The following ACSM5 variants were observed in gnomAD, a reference collection of about 807,000 sequenced individuals.
ACSM5 encodes the protein acyl-CoA synthetase medium chain family member 5.
In ACSM5, 56 loss-of-function variants were observed where a neutral mutation model predicts 71.6. The observed-to-expected ratio is 0.78, with a 90% CI of 0.63 to 0.98. ACSM5 has a LOEUF of 0.98. Ranked by LOEUF, ACSM5 falls within the 50% of genes least tolerant of loss-of-function variation. The pLI, the probability that ACSM5 is intolerant of heterozygous loss-of-function variation, is 0.00. For synonymous variants in ACSM5, 285 were observed against 281.5 expected, an observed-to-expected ratio of 1.01 and a Z score of -0.12; for missense variants, 723 against 726.0, an observed-to-expected ratio of 1.00 and a Z score of 0.05.
chr16:20,417,119 G>A (rs1966858199), intron 2 of ACSM5, among the ~76,000 whole-genome samples: 1 of 151,810 alleles, frequency 6.6e-6, no homozygotes, highest in African/African-American at 2.4e-5. Flanking sequence ...AAATGGTGCA[G>A]TGCTGTGGAA....
intron 7 of ACSM5, 86 bp downstream of exon 7, chr16:20,427,953 C>T (rs1967022383): frequency 7.2e-6 from 7 of 977,446 alleles, no homozygotes; most frequent in Non-Finnish European, 1.1e-5. Flanking sequence ...CCCTCTCATT[C>T]CAACTCTCTT....
chr16:20,441,218 G>A lies in ACSM5; in HGVS notation c.*791G>A, dbSNP rs1010664040. On this transcript the variant is annotated 3_prime_UTR_variant, in exon 14 of 14. Coordinates refer to ENST00000331849, the MANE Select transcript of ACSM5 (RefSeq NM_017888.3). ...CTCCTGGAGATTGAGGAGGGAGGGAGAGAAAATAATGGATGGTAGTTTTTC... is the reference window on the plus strand; with the variant it reads ...CTCCTGGAGATTGAGGAGGGAGGGAAAGAAAATAATGGATGGTAGTTTTTC... The A allele has an allele frequency of 2.6e-5, 4 of 152,194 alleles. No individual in the cohort carries two copies. The highest frequency in any genetic ancestry group is 4.8e-5 in the African/African-American group (2 of 41,444). 9.4% of individuals were successfully genotyped at this position (152,194 alleles called of 1,614,324 possible). A position where few individuals can be genotyped will look rare whatever the true frequency, so the allele number is the denominator to read the frequency against.
chr16:20,420,136 C>A (rs956059622), intron 4 of ACSM5, among the ~76,000 whole-genome samples: 2 of 152,146 alleles, frequency 1.3e-5, no homozygotes, highest in Non-Finnish European at 2.9e-5. Context: ...AGCCAGAACC[C>A]AAAAGGAGCC....
rs764936817 is a variant in ACSM5 at position 20,418,011 on chromosome 16, AT to A, written c.205-46del. 2.6e-6 allele frequency: 4 copies of A among 1,566,478 alleles called. No homozygotes were observed. In the South Asian group the frequency reaches 4.7e-5, roughly 18 times the overall value. ...ATTAAACAGCAACAAGCAAACAAAAATTCTCAATAAATTGCTTCTTTTTTTT... is the reference window on the plus strand; with the variant it reads ...ATTAAACAGCAACAAGCAAACAAAAATCTCAATAAATTGCTTCTTTTTTTT... On this transcript the variant is annotated intron_variant, in intron 2 of 13. Transcript: ENST00000331849.
chr16:20,414,344 G>A (rs538745737), intron 2 of ACSM5, among the ~76,000 whole-genome samples: 3 of 152,276 alleles, frequency 2.0e-5, no homozygotes, highest in Middle Eastern at 6.8e-3. Flanking sequence ...CCTATGAGAA[G>A]GCAGGAGGGT....
At chr16:20,416,955 A>G (rs546312164) in intron 2 of ACSM5, among the ~76,000 whole-genome samples, 169 of 150,872 alleles carry the variant, frequency 1.1e-3, no homozygotes, top group African/African-American at 3.9e-3. Context: ...GATGCTTAAC[A>G]TCTTTATTCA....
chr16:20,435,796 T>A (rs553230774), intron 10 of ACSM5, among the ~76,000 whole-genome samples: 1 of 152,370 alleles, frequency 6.6e-6, no homozygotes, highest in East Asian at 1.9e-4. Context: ...TGTATTTTTA[T>A]TGCTGAGTAG....
chr16:20,429,801 G>T lies in ACSM5; in HGVS notation c.1125G>T (p.Thr375=). Residue 375 remains threonine, a splice_region_variant and synonymous_variant, in exon 8 of 14, where the codon ACG becomes ACT. Coordinates refer to ENST00000331849, the MANE Select transcript of ACSM5 (RefSeq NM_017888.3). Reference sequence around the variant, plus strand: ...ACGAAGGCTATGGCCAGTCTGAAACGGTGAGTGCTGGAGGGGCCAGGTCCC... The same window carrying T: ...ACGAAGGCTATGGCCAGTCTGAAACTGTGAGTGCTGGAGGGGCCAGGTCCC... ...ELYEGYGQSE[T]VVICANPKGM... is the part of the protein sequence containing the mutation. The T allele has an allele frequency of 6.2e-7, 1 of 1,612,310 alleles. No individual in the cohort carries two copies. Among genetic ancestry groups the T allele is most frequent in the Non-Finnish European group, 8.5e-7 (1 of 1,179,664 alleles).
chr16:20,431,366 T>C, intron 10 of ACSM5, 45 bp downstream of exon 10: 1 of 1,461,360 alleles, frequency 6.8e-7, no homozygotes, highest in Non-Finnish European at 9.6e-7. Context: ...GACTGTGTGC[T>C]AAGCATTGTG....
chr16:20,429,303 G>A (rs565845168), intron 7 of ACSM5, among the ~76,000 whole-genome samples: 3 of 152,186 alleles, frequency 2.0e-5, no homozygotes, highest in South Asian at 2.1e-4. Context: ...GTGAGCCATG[G>A]TGCCTGGCCT....
intron 10 of ACSM5, among the ~76,000 whole-genome samples, chr16:20,435,864 C>G (rs1382457551): frequency 6.6e-6 from 1 of 152,086 alleles, no homozygotes; most frequent in Non-Finnish European, 1.5e-5. Context: ...CTTTCCTCTA[C>G]TCTTGCCCCA....
chr16:20,419,499 T>C lies in ACSM5; in HGVS notation c.623+64T>C, dbSNP rs1966869032. ...CATTTCCCCTTTAAGCAACAAAAGA[T>C]GAAATGCATTGCTGATTCCACACAT... is the stretch of plus-strand genomic sequence containing the variant. On this transcript the variant is annotated intron_variant, in intron 4 of 13. Transcript: ENST00000331849. 4 of 1,474,018 alleles carry C rather than the reference T, an allele frequency of 2.7e-6. No individual in the cohort carries two copies. In the South Asian group the frequency reaches 4.7e-5, roughly 17 times the overall value. The allele number at this position is 1,474,018 out of a possible 1,614,324, so 91.3% of individuals were successfully genotyped here.
chr16:20,423,077 A>G (rs1966909285), intron 5 of ACSM5, among the ~76,000 whole-genome samples: 1 of 152,170 alleles, frequency 6.6e-6, no homozygotes, highest in African/African-American at 2.4e-5. Flanking sequence ...TTCATGCTGA[A>G]CTTATCAGTG....
At chr16:20,423,394 T>C (rs1297049117) in intron 5 of ACSM5, among the ~76,000 whole-genome samples, 1 of 152,264 alleles carries the variant, frequency 6.6e-6, no homozygotes, top group Non-Finnish European at 1.5e-5. Flanking sequence ...TTATTCTTTA[T>C]GTCTAACTCA....
At chr16:20,429,381 T>C (rs1331936633) in intron 7 of ACSM5, among the ~76,000 whole-genome samples, 12 of 152,060 alleles carry the variant, frequency 7.9e-5, no homozygotes, top group Non-Finnish European at 1.6e-4. Flanking sequence ...TTATTATCAG[T>C]TTTTTTCCAA....
At chr16:20,413,834 C>G (rs142517462) in intron 2 of ACSM5, among the ~76,000 whole-genome samples, 42 of 152,108 alleles carry the variant, frequency 2.8e-4, no homozygotes, top group African/African-American at 1.0e-3. Context: ...TAAAGGTGTG[C>G]CCCAACACCC....
Position 20,418,336 on chromosome 16 carries a change from A to G in ACSM5, c.415+67A>G. The G allele has an allele frequency of 2.7e-6, 4 of 1,474,656 alleles. No individual in the cohort carries two copies. The East Asian group carries it at 9.5e-5, about 35-fold the overall frequency. The allele number at this position is 1,474,656 out of a possible 1,614,324, so 91.3% of individuals were successfully genotyped here. A position where few individuals can be genotyped will look rare whatever the true frequency, so the allele number is the denominator to read the frequency against. On this transcript the variant is annotated intron_variant, in intron 3 of 13. Transcript: ENST00000331849. ...AACTTGCCAGAGCTTTGCAGTGTCCACAGGGTCTTGAAGATGGAGCAAAAA... is the reference window on the plus strand; with the variant it reads ...AACTTGCCAGAGCTTTGCAGTGTCCGCAGGGTCTTGAAGATGGAGCAAAAA...
In ACSM5 at chr16:20,419,423, G is replaced by A. The variant is rs775966359; in HGVS notation, c.611G>A (p.Arg204Lys). Residue 204 changes from arginine (R) to lysine (K), a missense_variant, in exon 4 of 14, where the codon AGG (arginine) becomes AAG (lysine). Coordinates refer to ENST00000331849, the MANE Select transcript of ACSM5 (RefSeq NM_017888.3). ...DSSRPGWLNF[R>K]ELLREASTEH... ...AGTCGGCCAGGCTGGTTGAACTTCAGGGAACTCCTCCGGTGAATTGGGGCT... is the reference window on the plus strand; with the variant it reads ...AGTCGGCCAGGCTGGTTGAACTTCAAGGAACTCCTCCGGTGAATTGGGGCT... 6 of 1,614,120 alleles carry A rather than the reference G, an allele frequency of 3.7e-6. No individual in the cohort carries two copies. The highest frequency in any genetic ancestry group is 5.1e-6 in the Non-Finnish European group (6 of 1,180,006).
At chr16:20,438,954 TA>T (rs1275195181) in intron 12 of ACSM5, among the ~76,000 whole-genome samples, 9,585 of 92,596 alleles carry the variant, frequency 0.1, 470 homozygotes, top group East Asian at 0.19. Flanking sequence ...GACTCTGTCT[TA>T]AAAAAAAAAA....
Sources: allele counts gnomAD v4.1 joint callset (sites outside exome capture counted in the v4.1 genomes callset), GRCh38; gene constraint gnomAD v4.1.1; transcripts MANE v1.5; gene names NCBI Gene and HGNC (gene_info 2026-07-23, HGNC 2026-07-21).